IQGAP1: variants seen among roughly 807,000 people sequenced by gnomAD.
IQGAP1 encodes the protein ras GTPase-activating-like protein IQGAP1.
In IQGAP1, 66 loss-of-function variants were observed where a neutral mutation model predicts 215.6. The observed-to-expected ratio is 0.31, with a 90% CI of 0.25 to 0.38. The LOEUF (loss-of-function observed/expected upper bound fraction) is 0.38, where lower values mean the gene tolerates loss of function less well. Ranked by LOEUF, IQGAP1 falls within the 10% of genes least tolerant of loss-of-function variation. The pLI is 1.00. For missense variants in IQGAP1, 1,712 were observed against 1,997.1 expected (o/e 0.86, Z 2.72); for synonymous variants, 772 against 728.7 (o/e 1.06, Z -0.96).
At chr15:90,485,412 G>A (rs1280632918) in intron 30 of IQGAP1, among the ~76,000 whole-genome samples, 1 of 152,056 alleles carries the variant, frequency 6.6e-6, no homozygotes, top group African/African-American at 2.4e-5. Flanking sequence ...TTGAGTTTCA[G>A]TGTTTTGTGG....
chr15:90,461,005 A>G (rs1174347541), intron 15 of IQGAP1, among the ~76,000 whole-genome samples: 1 of 149,012 alleles, frequency 6.7e-6, no homozygotes, highest in Non-Finnish European at 1.5e-5. Context: ...TCTTTAAAAA[A>G]AAAAAAAAAA....
At chr15:90,397,888 C>CTTTTTTTTTTTT (rs763133807) in intron 2 of IQGAP1, 4 of 44,362 alleles carry the variant, frequency 9.0e-5, no homozygotes, top group South Asian at 8.1e-4. Context: ...TTTTTTTTTT[C>CTTTTTTTTTTTT]TTTTTTTTTT....
At chr15:90,394,698 G>C (rs546136803) in intron 2 of IQGAP1, among the ~76,000 whole-genome samples, 1 of 152,252 alleles carries the variant, frequency 6.6e-6, no homozygotes, top group African/African-American at 2.4e-5. Context: ...AGTTGGAGGA[G>C]CCCCAATATC....
intron 23 of IQGAP1, among the ~76,000 whole-genome samples, chr15:90,476,175 C>G (rs1174311565): frequency 1.3e-5 from 2 of 152,048 alleles, no homozygotes; most frequent in African/African-American, 4.8e-5. Context: ...CTCAGGTGAT[C>G]CTCCTGCCTC....
In IQGAP1 at chr15:90,454,596, G is replaced by A. The variant is rs1209538343; in HGVS notation, c.1612+44G>A. 4 of 1,499,968 alleles carry A rather than the reference G, an allele frequency of 2.7e-6. No individual in the cohort carries two copies. The African/African-American group carries it at 5.7e-5, about 21-fold the overall frequency. The allele number at this position is 1,499,968 out of a possible 1,614,324, so 92.9% of individuals were successfully genotyped here. A position where few individuals can be genotyped will look rare whatever the true frequency, so the allele number is the denominator to read the frequency against. ...CTCCCCAAATAATGTCACCATTAAT[G>A]ATGATGTGATTCCATGAAGTGGTTC... On this transcript the variant is annotated intron_variant, in intron 14 of 37. Transcript: ENST00000268182.
chr15:90,473,151 C>G lies in IQGAP1; in HGVS notation c.2349+141C>G, dbSNP rs998422667. On this transcript the variant is annotated intron_variant, in intron 19 of 37. Transcript: ENST00000268182. ...TTCTCTTTCCTTTGACAGGTACCTCCTCTTTACTACCATTTAACTGTAGTG... is the reference window on the plus strand; with the variant it reads ...TTCTCTTTCCTTTGACAGGTACCTCGTCTTTACTACCATTTAACTGTAGTG... 9.7e-6 allele frequency: 7 copies of G among 719,354 alleles called. No homozygotes were observed. The African/African-American group carries it at 1.2e-4, about 13-fold the overall frequency. The allele number at this position is 719,354 out of a possible 1,614,324, so 44.6% of individuals were successfully genotyped here.
chr15:90,449,663 G>C lies in IQGAP1; in HGVS notation c.1162+20G>C. 6.3e-7 allele frequency: 1 copy of C among 1,589,438 alleles called. No individual in the cohort carries two copies. The highest frequency in any genetic ancestry group is 8.6e-7 in the Non-Finnish European group (1 of 1,162,734). On this transcript the variant is annotated intron_variant, in intron 11 of 37. Transcript: ENST00000268182. Reference sequence around the variant, plus strand: ...AGAGAAGTAAGAGTCCATTGAAATTGTATGGGAGGAAAGTTGTGGCTTTGT... The same window carrying C: ...AGAGAAGTAAGAGTCCATTGAAATTCTATGGGAGGAAAGTTGTGGCTTTGT...
chr15:90,393,781 A>C (rs775744228), intron 2 of IQGAP1: 1 of 152,160 alleles, frequency 6.6e-6, no homozygotes, highest in Non-Finnish European at 1.5e-5. Flanking sequence ...TTTCCTTTAA[A>C]GACCACCCAG....
chr15:90,483,710 G>A (rs1966089112), intron 29 of IQGAP1, 117 bp downstream of exon 29: 7 of 690,082 alleles, frequency 1.0e-5, no homozygotes, highest in Admixed American at 7.7e-5. Flanking sequence ...TGTAGAAGAC[G>A]TGTTTGATGT....
intron 4 of IQGAP1, among the ~76,000 whole-genome samples, chr15:90,430,379 T>C (rs1158405534): frequency 6.6e-6 from 1 of 152,228 alleles, no homozygotes; most frequent in African/African-American, 2.4e-5. Flanking sequence ...TCTGGGAAGT[T>C]ATCCGAAGTA....
intron 15 of IQGAP1, among the ~76,000 whole-genome samples, chr15:90,460,807 T>TG (rs1965750288): frequency 6.6e-6 from 1 of 151,878 alleles, no homozygotes; most frequent in Non-Finnish European, 1.5e-5. Context: ...GAGACCAGGC[T>TG]GGGCAAGATG....
At position 90,429,585 on chromosome 15, in the gene IQGAP1, CT is replaced by C; in HGVS notation, c.313-3del. 6.5e-7 allele frequency: 1 copy of C among 1,546,126 alleles called. No homozygotes were observed. The highest frequency in any genetic ancestry group is 8.7e-7 in the Non-Finnish European group (1 of 1,150,894). Reference sequence around the variant, plus strand: ...TAATACCTAATTTTCTTTTTTTTTTCTAGGCGACTGGCCTCCACTTTAGACA... The same window carrying C: ...TAATACCTAATTTTCTTTTTTTTTTCAGGCGACTGGCCTCCACTTTAGACA... On this transcript the variant is annotated splice_polypyrimidine_tract_variant and splice_region_variant and intron_variant, in intron 3 of 37. Transcript: ENST00000268182.
chr15:90,458,390 T>G lies in IQGAP1; in HGVS notation c.1776+2075T>G, dbSNP rs367553695. ...AGACACTTAGCATGAGTGACAGCTATATAAGTTGTATCTTCAATCTACTTC... is the reference window on the plus strand; with the variant it reads ...AGACACTTAGCATGAGTGACAGCTAGATAAGTTGTATCTTCAATCTACTTC... On this transcript the variant is annotated intron_variant, in intron 15 of 37. Coordinates refer to ENST00000268182, the MANE Select transcript of IQGAP1 (RefSeq NM_003870.4). Among the ~76,000 whole-genome samples, 20 of 152,362 alleles carry G rather than the reference T, an allele frequency of 1.3e-4. No individual in the cohort carries two copies. In the South Asian group the frequency reaches 3.9e-3, roughly 30 times the overall value.
Position 90,418,425 on chromosome 15 carries a change from A to C in IQGAP1, c.156-7685A>C, listed in dbSNP as rs770319539. 1.3e-5 allele frequency among the ~76,000 whole-genome samples: 2 copies of C among 151,854 alleles called. 1 individual carries two copies. The highest frequency in any genetic ancestry group is 6.3e-3 in the Middle Eastern group (2 of 316). On this transcript the variant is annotated intron_variant, in intron 2 of 37. Coordinates refer to ENST00000268182, the MANE Select transcript of IQGAP1 (RefSeq NM_003870.4). ...AACATAGGGAGTTGCTGTCTCTACA[A>C]ATAATTTTAAAAATTAGCCTCGTGT...
rs1965451738 is a variant in IQGAP1 at position 90,441,609 on chromosome 15, A to G, written c.753A>G (p.Glu251=). 4.3e-6 allele frequency: 7 copies of G among 1,613,998 alleles called. No individual in the cohort carries two copies. The highest frequency in any genetic ancestry group is 3.3e-4 in the Middle Eastern group (2 of 6,062). The change falls in exon 8 of 38, where the codon GAA becomes GAG. Residue 251 remains glutamate, a synonymous_variant. Transcript: ENST00000268182. ...CGAATGCCATGCTTGTAAATCTTGAAGAGCCCTTGGCATCCACTTACCAGG... is the reference window on the plus strand; with the variant it reads ...CGAATGCCATGCTTGTAAATCTTGAGGAGCCCTTGGCATCCACTTACCAGG... ...KNPNAMLVNL[E]EPLASTYQDI...
At chr15:90,389,341 C>CTTTT (rs563216137) in intron 1 of IQGAP1, among the ~76,000 whole-genome samples, 18,509 of 128,050 alleles carry the variant, frequency 0.14, 1,490 homozygotes, top group South Asian at 0.21. Flanking sequence ...CGGGAGGTGA[C>CTTTT]TTTTTTTTTT....
intron 18 of IQGAP1, 94 bp downstream of exon 18, chr15:90,467,686 C>T (rs1965850663): frequency 3.0e-5 from 39 of 1,305,384 alleles, no homozygotes; most frequent in Non-Finnish European, 3.3e-5. Flanking sequence ...GGTCAGAAGC[C>T]CTAGACTAAA....
intron 8 of IQGAP1, among the ~76,000 whole-genome samples, chr15:90,442,440 G>A (rs939342545): frequency 3.8e-5 from 5 of 133,132 alleles, no homozygotes; most frequent in South Asian, 2.9e-4. Flanking sequence ...GCGAGACTCC[G>A]TCTCGGGGGG....
intron 33 of IQGAP1, among the ~76,000 whole-genome samples, chr15:90,488,406 TA>T (rs1966159789): frequency 7.1e-6 from 1 of 141,750 alleles, no homozygotes; most frequent in Admixed American, 6.9e-5. Flanking sequence ...TGTATTGTTG[TA>T]TTTTTTTTTC....
Sources: gnomAD v4.1 joint callset for allele counts (sites outside exome capture counted in the v4.1 genomes callset) on GRCh38, gnomAD v4.1.1 for gene constraint, MANE v1.5 for transcripts, NCBI Gene and HGNC (gene_info 2026-07-23, HGNC 2026-07-21) for gene names.